The following TMOD3 variants were observed in gnomAD, a reference collection of about 807,000 sequenced individuals.
The protein encoded by TMOD3 is tropomodulin 3.
In TMOD3, 20 loss-of-function variants were observed where a neutral mutation model predicts 39.2. That is an observed-to-expected ratio of 0.51 (90% confidence interval 0.36 to 0.74). TMOD3 has a LOEUF of 0.74. Among genes scored for constraint, TMOD3 ranks in the 30% least tolerant of loss-of-function variants. The pLI is 0.00. For missense variants in TMOD3, 381 were observed against 412.8 expected (o/e 0.92, Z 0.67); for synonymous variants, 143 against 145.8 (o/e 0.98, Z 0.14).
At chr15:51,902,786 G>A (rs1030933743) in intron 9 of TMOD3, among the ~76,000 whole-genome samples, 3 of 151,828 alleles carry the variant, frequency 2.0e-5, no homozygotes, top group East Asian at 1.9e-4. Flanking sequence ...AGTAGCTGGG[G>A]CTACAGGCGC....
At chr15:51,858,634 A>G (rs753101188) in intron 1 of TMOD3, among the ~76,000 whole-genome samples, 19 of 152,116 alleles carry the variant, frequency 1.2e-4, no homozygotes, top group South Asian at 2.1e-4. Flanking sequence ...TATTTCCTCT[A>G]TATTTTCCAG....
chr15:51,900,173 A>T lies in TMOD3; in HGVS notation c.754A>T (p.Lys252Ter). Residue 252 changes from lysine (K) to a stop codon, truncating the protein, a stop_gained, in exon 8 of 10, where the codon AAA becomes TAA. Coordinates refer to ENST00000308580, the MANE Select transcript of TMOD3 (RefSeq NM_014547.5). LOFTEE classifies it high-confidence loss of function. ...TTTCTAGGCTTTTGCAGAAATGCTG[A>T]AAGTGAACAAAACTTTGAAGAGCTT... Reference protein sequence around the residue: ...PVATAFAEMLKVNKTLKSLNV... With the variant: ...PVATAFAEML 3.7e-6 allele frequency: 6 copies of T among 1,614,124 alleles called. No homozygotes were observed. Among genetic ancestry groups the T allele is most frequent in the Non-Finnish European group, 5.1e-6 (6 of 1,180,018 alleles).
chr15:51,866,296 A>T (rs546993394), intron 2 of TMOD3, among the ~76,000 whole-genome samples: 1 of 152,202 alleles, frequency 6.6e-6, no homozygotes, highest in South Asian at 2.1e-4. Context: ...CTCGACAAAA[A>T]ATTTTAAAAA....
In TMOD3 at chr15:51,860,386, G is replaced by A. The variant is rs186568464; in HGVS notation, c.-74-2425G>A. On this transcript the variant is annotated intron_variant, in intron 1 of 9. Coordinates refer to ENST00000308580, the MANE Select transcript of TMOD3 (RefSeq NM_014547.5). The stretch of plus-strand genomic sequence containing the variant: ...TTCTCCACATCCATGTTGGCTTTTT[G>A]AAATTCTTGCTTTTCCTTCCTCAGT... 3,052 of 544,314 alleles carry A rather than the reference G, an allele frequency of 5.6e-3. 21 individuals are homozygous for A. The highest frequency in any genetic ancestry group is 8.8e-3 in the Non-Finnish European group (2,385 of 269,836). The allele number at this position is 544,314 out of a possible 1,614,324, so 33.7% of individuals were successfully genotyped here. A position where few individuals can be genotyped will look rare whatever the true frequency, so the allele number is the denominator to read the frequency against.
chr15:51,890,468 T>A (rs2056586962), intron 5 of TMOD3, among the ~76,000 whole-genome samples: 1 of 151,956 alleles, frequency 6.6e-6, no homozygotes, highest in African/African-American at 2.4e-5. Context: ...TGAGCCACTG[T>A]GCCTGGCCAA....
intron 9 of TMOD3, among the ~76,000 whole-genome samples, chr15:51,904,629 G>A (rs539872603): frequency 3.4e-4 from 51 of 152,196 alleles, no homozygotes; most frequent in East Asian, 5.8e-4. Flanking sequence ...GTCTATAAAC[G>A]TCACGGCAGG....
chr15:51,842,228 A>G (rs1377745427), intron 1 of TMOD3, among the ~76,000 whole-genome samples: 1 of 152,172 alleles, frequency 6.6e-6, no homozygotes, highest in Non-Finnish European at 1.5e-5. Context: ...GAAACTGCCA[A>G]TTAAAACCTA....
intron 9 of TMOD3, among the ~76,000 whole-genome samples, chr15:51,904,747 G>A (rs2056669567): frequency 6.6e-6 from 1 of 152,218 alleles, no homozygotes; most frequent in South Asian, 2.1e-4. Context: ...GTGTTAGAGT[G>A]AGGGAGATTT....
intron 1 of TMOD3, 48 bp from the exon 2 acceptor site, chr15:51,862,763 G>C: frequency 4.6e-6 from 4 of 876,496 alleles, no homozygotes; most frequent in Non-Finnish European, 5.0e-6. Context: ...ATCTAAGTAG[G>C]TGGAGATGAC....
intron 3 of TMOD3, among the ~76,000 whole-genome samples, chr15:51,872,521 TGAACTTTATATC>T: frequency 6.6e-6 from 1 of 152,162 alleles, no homozygotes; most frequent in East Asian, 1.9e-4. Flanking sequence ...CTGTCTGTTT[TGAACTTTATATC>T]GATGGAAACA....
chr15:51,851,135 A>G (rs910689552), intron 1 of TMOD3, among the ~76,000 whole-genome samples: 1 of 152,126 alleles, frequency 6.6e-6, no homozygotes, highest in Non-Finnish European at 1.5e-5. Flanking sequence ...AAGGATAAGG[A>G]CTGCTGGGGG....
At chr15:51,873,458 A>C (rs952033108) in intron 3 of TMOD3, among the ~76,000 whole-genome samples, 3 of 152,166 alleles carry the variant, frequency 2.0e-5, no homozygotes, top group Admixed American at 2.0e-4. Context: ...AAACAAAGGC[A>C]TTTTACTTTT....
intron 1 of TMOD3, chr15:51,859,342 C>A: frequency 1.4e-6 from 1 of 709,886 alleles, no homozygotes. Flanking sequence ...ACCCAAAGAT[C>A]AGAATCTACA....
intron 6 of TMOD3, 66 bp from the exon 7 acceptor site, chr15:51,896,353 G>T: frequency 8.6e-7 from 1 of 1,157,974 alleles, no homozygotes; most frequent in East Asian, 2.5e-5. Flanking sequence ...CCATATATTT[G>T]ATTAATGGAA....
At chr15:51,847,595 G>A (rs2056342054) in intron 1 of TMOD3, among the ~76,000 whole-genome samples, 1 of 152,058 alleles carries the variant, frequency 6.6e-6, no homozygotes, top group Admixed American at 6.6e-5. Flanking sequence ...CCAAACAAAA[G>A]GATAAATTTA....
intron 1 of TMOD3, among the ~76,000 whole-genome samples, chr15:51,841,672 C>T (rs2056313260): frequency 1.3e-5 from 2 of 152,200 alleles, no homozygotes; most frequent in South Asian, 4.1e-4. Context: ...TTTCTTTCTG[C>T]CTCCACCCAC....
intron 1 of TMOD3, among the ~76,000 whole-genome samples, chr15:51,859,015 T>C (rs2056402475): frequency 6.6e-6 from 1 of 152,180 alleles, no homozygotes; most frequent in Non-Finnish European, 1.5e-5. Flanking sequence ...AAATCTTTTT[T>C]TAAATTTTTT....
In TMOD3 at chr15:51,903,001, G is replaced by T. The variant is rs534464717; in HGVS notation, c.1024+965G>T. Among the ~76,000 whole-genome samples the T allele has an allele frequency of 7.2e-5, 11 of 151,880 alleles. No homozygotes were observed. The East Asian group carries it at 1.9e-3, about 27-fold the overall frequency. Reference sequence around the variant, plus strand: ...GGGTTTCACCATGTTGGCCAGGATGGTCTCAATCTCTTGACCTCACGATCC... The same window carrying T: ...GGGTTTCACCATGTTGGCCAGGATGTTCTCAATCTCTTGACCTCACGATCC... On this transcript the variant is annotated intron_variant, in intron 9 of 9. Transcript: ENST00000308580.
Position 51,911,896 on chromosome 15 carries a change from C to T in TMOD3, c.*3086C>T, listed in dbSNP as rs575864562. ...CCTGTCATTTAAAAGACCAAATAAG[C>T]ATTTTGTATTAAATAAATTAGCAGA... is the stretch of plus-strand genomic sequence containing the variant. On this transcript the variant is annotated 3_prime_UTR_variant, in exon 10 of 10. Transcript: ENST00000308580. The T allele has an allele frequency of 3.0e-4, 45 of 152,258 alleles. No homozygotes were observed. Among genetic ancestry groups the T allele is most frequent in the African/African-American group, 1.1e-3 (45 of 41,546 alleles). 9.4% of individuals were successfully genotyped at this position (152,258 alleles called of 1,614,324 possible).
Sources: allele counts gnomAD v4.1 joint callset (sites outside exome capture counted in the v4.1 genomes callset), GRCh38; gene constraint gnomAD v4.1.1; transcripts MANE v1.5; gene names NCBI Gene and HGNC (gene_info 2026-07-23, HGNC 2026-07-21).